The following SRP72 variants were observed in gnomAD, a reference collection of about 807,000 sequenced individuals.
The protein encoded by SRP72 is signal recognition particle subunit SRP72.
Under a neutral mutation model 96.3 loss-of-function variants are expected in SRP72, and 49 were observed. The ratio of observed to expected loss-of-function variants is 0.51; its 90% CI spans 0.40 to 0.65. The LOEUF is 0.65. Among genes scored for constraint, SRP72 ranks in the 30% least tolerant of loss-of-function variants. SRP72 has a pLI of 0.00. For synonymous variants in SRP72, 267 were observed against 275.2 expected, an observed-to-expected ratio of 0.97 and a Z score of 0.30; for missense variants, 736 against 793.3, an observed-to-expected ratio of 0.93 and a Z score of 0.87.
chr4:56,474,337 C>T lies in SRP72; in HGVS notation c.556C>T (p.Leu186=). 6.2e-7 allele frequency: 1 copy of T among 1,614,188 alleles called. No individual in the cohort carries two copies. Among genetic ancestry groups the T allele is most frequent in the South Asian group, 1.1e-5 (1 of 91,068 alleles). ...HELCYNTACA[L]IGQGQLNQAM... is the part of the protein sequence containing the mutation. ...GCTGTGCTACAACACTGCATGTGCA[C>T]TGATAGGCCAAGGCCAGCTGAACCA... is the stretch of plus-strand genomic sequence containing the variant. The change falls in exon 5 of 19, where the codon CTG becomes TTG. Residue 186 remains leucine, a synonymous_variant. Coordinates refer to ENST00000642900, the MANE Select transcript of SRP72 (RefSeq NM_006947.4).
rs1720094570 is a variant in SRP72, at chr4:56,473,961, T to C, written c.355-93T>C. The C allele has an allele frequency of 2.4e-6, 3 of 1,250,642 alleles. No homozygotes were observed. In the South Asian group the frequency reaches 4.6e-5, roughly 19 times the overall value. The allele number at this position is 1,250,642 out of a possible 1,614,324, so 77.5% of individuals were successfully genotyped here. A position where few individuals can be genotyped will look rare whatever the true frequency, so the allele number is the denominator to read the frequency against. On this transcript the variant is annotated intron_variant, in intron 3 of 18. Transcript: ENST00000642900. The stretch of plus-strand genomic sequence containing the variant: ...TTGTTCATGTTATGCTGAACTAGGA[T>C]TCCTACTTAGTGGTTCCAAAAAAGG...
rs745957109 is a variant in SRP72 at position 56,487,935 on chromosome 4, T to C, written c.1160-14T>C. The C allele has an allele frequency of 6.3e-7, 1 of 1,578,446 alleles. No homozygotes were observed. The highest frequency in any genetic ancestry group is 1.2e-5 in the South Asian group (1 of 85,354). ...GTTCTTCTATGTAATGCTGATTTTGTTTATTCTCCTAAGGTAATATTTCTA... is the reference window on the plus strand; with the variant it reads ...GTTCTTCTATGTAATGCTGATTTTGCTTATTCTCCTAAGGTAATATTTCTA... On this transcript the variant is annotated splice_polypyrimidine_tract_variant and intron_variant, in intron 11 of 18. Coordinates refer to ENST00000642900, the MANE Select transcript of SRP72 (RefSeq NM_006947.4).
At chr4:56,475,403 A>ATAT (rs1553945338) in intron 5 of SRP72, among the ~76,000 whole-genome samples, 5 of 150,956 alleles carry the variant, frequency 3.3e-5, no homozygotes, top group Admixed American at 1.3e-4. Context: ...ACAAAAAAAA[A>ATAT]ATATATATGT....
At chr4:56,493,235 C>T (rs1246307708) in intron 16 of SRP72, among the ~76,000 whole-genome samples, 1 of 151,826 alleles carries the variant, frequency 6.6e-6, no homozygotes, top group African/African-American at 2.4e-5. Flanking sequence ...AGGGTTTCAC[C>T]ATGTCGATCA....
At chr4:56,495,773 A>G (rs1245537997) in intron 17 of SRP72, among the ~76,000 whole-genome samples, 1 of 152,248 alleles carries the variant, frequency 6.6e-6, no homozygotes, top group Non-Finnish European at 1.5e-5. Context: ...TCTGCTACAC[A>G]TAACTACAAA....
At position 56,493,102 on chromosome 4, in the gene SRP72, A is replaced by G. The variant is rs28398277; in HGVS notation, c.1640+1534A>G. On this transcript the variant is annotated intron_variant, in intron 16 of 18. Transcript: ENST00000642900. ...GCCCAGGCTGGAGTGCAGTGACTCA[A>G]TCTCAGCTCACTGCAACCTCCGCCT... 6.5e-3 allele frequency among the ~76,000 whole-genome samples: 994 copies of G among 152,134 alleles called. 13 individuals are homozygous for G. The highest frequency in any genetic ancestry group is 0.023 in the African/African-American group (940 of 41,502).
At chr4:56,497,794 C>T (rs889923447) in intron 17 of SRP72, among the ~76,000 whole-genome samples, 4 of 152,104 alleles carry the variant, frequency 2.6e-5, no homozygotes, top group African/African-American at 9.7e-5. Context: ...TCCACAAAGG[C>T]TATACCAGTA....
At position 56,502,884 on chromosome 4, in the gene SRP72, A is replaced by G. The variant is rs1035174304; in HGVS notation, c.*1023A>G. On this transcript the variant is annotated 3_prime_UTR_variant, in exon 19 of 19. Coordinates refer to ENST00000642900, the MANE Select transcript of SRP72 (RefSeq NM_006947.4). ...AATGTAATGAAGTATTTTACAGTCA[A>G]TTTGTGGTGTAAATGTTGCTCTTGT... The G allele has an allele frequency of 2.6e-5, 4 of 152,130 alleles. No individual in the cohort carries two copies. Among genetic ancestry groups the G allele is most frequent in the African/African-American group, 4.8e-5 (2 of 41,436 alleles). 9.4% of individuals were successfully genotyped at this position (152,130 alleles called of 1,614,324 possible).
chr4:56,476,649 T>C, intron 5 of SRP72, 22 bp from the exon 6 acceptor site: 1 of 1,611,784 alleles, frequency 6.2e-7, no homozygotes, highest in Non-Finnish European at 8.5e-7. Context: ...ATACTACTTT[T>C]AAAACAATTT....
Position 56,489,436 on chromosome 4 carries a change from G to T in SRP72, c.1273G>T (p.Ala425Ser). 6.2e-7 allele frequency: 1 copy of T among 1,602,270 alleles called. No homozygotes were observed. The highest frequency in any genetic ancestry group is 8.5e-7 in the Non-Finnish European group (1 of 1,172,056). Residue 425 changes from alanine to serine, a missense_variant, in exon 13 of 19, where the codon GCC becomes TCC. Physicochemically the swap from Ala to Ser is moderately conservative, Grantham distance 99 (BLOSUM62 1). This residue lies in a region of SRP72 where 388 missense variants were observed against 431.8 expected (regional missense o/e 0.90). Coordinates refer to ENST00000642900, the MANE Select transcript of SRP72 (RefSeq NM_006947.4). ...TAGCCATGAAGAAGATATTGATAGT[G>T]CCATTGAGGTCTTCACACAAGCTAT... ...MYSHEEDIDS[A>S]IEVFTQAIQW... is the part of the protein sequence containing the mutation.
chr4:56,484,178 C>T (rs565711814), intron 9 of SRP72, among the ~76,000 whole-genome samples: 5 of 151,498 alleles, frequency 3.3e-5, no homozygotes, highest in Admixed American at 6.6e-5. Flanking sequence ...GGACTACAGG[C>T]GCCCAGCACC....
At chr4:56,478,036 C>T (rs936781366) in intron 6 of SRP72, among the ~76,000 whole-genome samples, 1 of 151,986 alleles carries the variant, frequency 6.6e-6, no homozygotes, top group Non-Finnish European at 1.5e-5. Flanking sequence ...AAAAGATATA[C>T]TTCCATGCTT....
At chr4:56,500,727 A>G (rs575251578) in intron 18 of SRP72, 32 bp downstream of exon 18, 140 of 1,584,716 alleles carry the variant, frequency 8.8e-5, no homozygotes, top group Middle Eastern at 1.7e-4. Context: ...GAGGGCACTT[A>G]GAACATACGT....
chr4:56,483,044 CA>C (rs758425911), intron 8 of SRP72, 94 bp from the exon 9 acceptor site: 14 of 1,184,256 alleles, frequency 1.2e-5, no homozygotes, highest in Non-Finnish European at 1.4e-5. Flanking sequence ...TAGATAGATT[CA>C]AGCTCTCCTG....
At chr4:56,486,943 A>G (rs959947345) in intron 11 of SRP72, among the ~76,000 whole-genome samples, 2 of 152,342 alleles carry the variant, frequency 1.3e-5, no homozygotes, top group Middle Eastern at 3.4e-3. Flanking sequence ...CATGTTGCCC[A>G]GTTTGGTAGT....
rs116166800 is a variant in SRP72, at chr4:56,469,115, A to G, written c.110-538A>G. On this transcript the variant is annotated intron_variant, in intron 1 of 18. Coordinates refer to ENST00000642900, the MANE Select transcript of SRP72 (RefSeq NM_006947.4). ...TTATACTTTATAAGATTTTTCCAAAATATTCATTTCATATTGTCAGTAACC... is the reference window on the plus strand; with the variant it reads ...TTATACTTTATAAGATTTTTCCAAAGTATTCATTTCATATTGTCAGTAACC... 6.6e-3 allele frequency among the ~76,000 whole-genome samples: 998 copies of G among 152,322 alleles called. 10 individuals are homozygous for G. Among genetic ancestry groups the G allele is most frequent in the African/African-American group, 0.023 (940 of 41,572 alleles).
At chr4:56,481,806 C>G (rs1379870865) in intron 8 of SRP72, among the ~76,000 whole-genome samples, 9 of 139,490 alleles carry the variant, frequency 6.5e-5, no homozygotes, top group South Asian at 2.3e-4. Flanking sequence ...GAGTCTCGCT[C>G]TCTTGCCCAG....
chr4:56,497,719 G>T (rs895137769), intron 17 of SRP72, among the ~76,000 whole-genome samples: 1 of 151,440 alleles, frequency 6.6e-6, no homozygotes, highest in African/African-American at 2.4e-5. Flanking sequence ...TATCTCTTGG[G>T]TTTCTGCAGG....
intron 3 of SRP72, among the ~76,000 whole-genome samples, chr4:56,472,887 G>A (rs886851019): frequency 1.6e-4 from 24 of 152,160 alleles, no homozygotes; most frequent in Admixed American, 1.3e-4. Context: ...TTGACCTAGA[G>A]TGGCAGTTGT....
Sources: allele counts gnomAD v4.1 joint callset (sites outside exome capture counted in the v4.1 genomes callset), GRCh38; gene constraint gnomAD v4.1.1; regional missense constraint gnomAD v4.1.1; transcripts MANE v1.5; gene names NCBI Gene and HGNC (gene_info 2026-07-23, HGNC 2026-07-21).